Variants in EXOSC7 observed in about 807,000 individuals in gnomAD.
EXOSC7 encodes exosome complex component RRP42.
Under a neutral mutation model 34.3 loss-of-function variants are expected in EXOSC7, and 25 were observed. That is an observed-to-expected ratio of 0.73 (90% CI 0.53 to 1.02). The LOEUF is 1.02. EXOSC7 is among the 50% of genes least tolerant of loss of function. The pLI is 0.00. For synonymous variants in EXOSC7, 130 were observed against 143.0 expected, an observed-to-expected ratio of 0.91 and a Z score of 0.65; for missense variants, 370 against 368.5, an observed-to-expected ratio of 1.00 and a Z score of -0.03.
Position 45,001,558 on chromosome 3 carries a change from T to C in EXOSC7, c.441T>C (p.Asn147=). ...CTTAGCTTCTGGAATGTGGTGGAAA[T>C]TTGTTTGATGCCATTTCCATTGCTG... The part of the protein sequence containing the change: ...VDVLLLECGG[N]LFDAISIAVK... The change falls in exon 5 of 8, where the codon AAT becomes AAC. Residue 147 remains asparagine (N), a synonymous_variant. Coordinates refer to ENST00000265564, the MANE Select transcript of EXOSC7 (RefSeq NM_015004.4). 6.2e-7 allele frequency: 1 copy of C among 1,613,810 alleles called. No individual in the cohort carries two copies.
intron 3 of EXOSC7, among the ~76,000 whole-genome samples, chr3:44,994,269 G>T (rs1217994911): frequency 6.7e-6 from 1 of 148,302 alleles, no homozygotes; most frequent in Non-Finnish European, 1.5e-5. Flanking sequence ...AAAAGATAAG[G>T]TCTCCCTTCT....
chr3:45,008,679 C>A (rs182056582), intron 7 of EXOSC7, among the ~76,000 whole-genome samples: 37 of 152,368 alleles, frequency 2.4e-4, no homozygotes, highest in South Asian at 1.7e-3. Flanking sequence ...CAGTTCTCAG[C>A]TAATGGCAGC....
chr3:44,991,836 G>C (rs756712447), intron 3 of EXOSC7, among the ~76,000 whole-genome samples: 1 of 152,142 alleles, frequency 6.6e-6, no homozygotes, highest in African/African-American at 2.4e-5. Context: ...AAGAGCTCCA[G>C]TATCTAGGTA....
At position 45,007,402 on chromosome 3, in the gene EXOSC7, C is replaced by A. The variant is rs199805910; in HGVS notation, c.616-18C>A. Reference sequence around the variant, plus strand: ...GGCCTGCGTGACCCACCGTGTGCCACGCACCCTGCCTTTGCAGATTGGCTA... The same window carrying A: ...GGCCTGCGTGACCCACCGTGTGCCAAGCACCCTGCCTTTGCAGATTGGCTA... On this transcript the variant is annotated intron_variant, in intron 6 of 7. Coordinates refer to ENST00000265564, the MANE Select transcript of EXOSC7 (RefSeq NM_015004.4). The A allele has an allele frequency of 6.2e-7, 1 of 1,613,550 alleles. No homozygotes were observed. Among genetic ancestry groups the A allele is most frequent in the East Asian group, 2.2e-5 (1 of 44,870 alleles).
chr3:44,992,775 G>C (rs946707491), intron 3 of EXOSC7, among the ~76,000 whole-genome samples: 1 of 152,096 alleles, frequency 6.6e-6, no homozygotes, highest in Non-Finnish European at 1.5e-5. Context: ...GCCACTAGGC[G>C]GCGAGCCATC....
chr3:45,008,011 G>A (rs958520602), intron 7 of EXOSC7, among the ~76,000 whole-genome samples: 3 of 152,142 alleles, frequency 2.0e-5, no homozygotes, highest in Non-Finnish European at 4.4e-5. Context: ...TCCCAAATTC[G>A]TTACAGCTCT....
intron 1 of EXOSC7, among the ~76,000 whole-genome samples, chr3:44,976,657 C>T (rs533489415): frequency 6.6e-6 from 1 of 152,282 alleles, no homozygotes; most frequent in Non-Finnish European, 1.5e-5. Flanking sequence ...CAGATCTTGT[C>T]CGAGCCTCAG....
intron 1 of EXOSC7, among the ~76,000 whole-genome samples, chr3:44,985,462 C>G (rs561614693): frequency 6.6e-6 from 1 of 151,840 alleles, no homozygotes; most frequent in South Asian, 2.1e-4. Flanking sequence ...GAGTTTCTTC[C>G]TTCTGGTGGG....
At chr3:45,000,052 GT>G (rs556955311) in intron 4 of EXOSC7, among the ~76,000 whole-genome samples, 1 of 152,100 alleles carries the variant, frequency 6.6e-6, no homozygotes, top group Non-Finnish European at 1.5e-5. Flanking sequence ...TCCAGTATTG[GT>G]TTTTTTCCCC....
intron 6 of EXOSC7, among the ~76,000 whole-genome samples, chr3:45,006,781 C>T (rs1172616877): frequency 6.6e-6 from 1 of 151,916 alleles, no homozygotes; most frequent in Non-Finnish European, 1.5e-5. Context: ...AGGCTCACTG[C>T]AACCTCTGCT....
chr3:44,989,534 T>C lies in EXOSC7; in HGVS notation c.160-16T>C, dbSNP rs376367377. 21 of 1,604,536 alleles carry C rather than the reference T, an allele frequency of 1.3e-5. No homozygotes were observed. Among genetic ancestry groups the C allele is most frequent in the Non-Finnish European group, 1.7e-5 (20 of 1,171,614 alleles). On this transcript the variant is annotated splice_polypyrimidine_tract_variant and intron_variant, in intron 2 of 7. Coordinates refer to ENST00000265564, the MANE Select transcript of EXOSC7 (RefSeq NM_015004.4). ...TGCATACTCTGAGTGAGGACTCTTCTTGCATGTGTCTGCAGGGTCACACAG... is the reference window on the plus strand; with the variant it reads ...TGCATACTCTGAGTGAGGACTCTTCCTGCATGTGTCTGCAGGGTCACACAG...
intron 6 of EXOSC7, among the ~76,000 whole-genome samples, chr3:45,006,060 G>A (rs1186892185): frequency 7.0e-6 from 1 of 143,152 alleles, no homozygotes; most frequent in African/African-American, 2.6e-5. Flanking sequence ...CAGGATGTTG[G>A]GTCTTGGCTT....
At chr3:45,005,488 A>G in intron 6 of EXOSC7, 74 bp downstream of exon 6, 1 of 1,483,406 alleles carries the variant, frequency 6.7e-7, no homozygotes, top group African/African-American at 1.4e-5. Context: ...TGCTGAGGTT[A>G]CTTAATAAGT....
chr3:44,989,642 C>G lies in EXOSC7; in HGVS notation c.252C>G (p.Asp84Glu). The part of the protein sequence containing the change: ...PNEGYLEFFV[D>E]CSASATPEFE... ...AAGGCTACTTGGAGTTCTTTGTTGA[C>G]TGGTCAGTACTGTCTATGCAGATAT... Residue 84 changes from aspartate (D) to glutamate (E), a missense_variant and splice_region_variant, in exon 3 of 8, where the codon GAC becomes GAG. By Grantham distance (45) the Asp-to-Glu change is conservative. Transcript: ENST00000265564. 6.3e-7 allele frequency: 1 copy of G among 1,594,294 alleles called. No individual in the cohort carries two copies. Among genetic ancestry groups the G allele is most frequent in the Non-Finnish European group, 8.6e-7 (1 of 1,162,068 alleles).
At chr3:44,994,729 G>A (rs139221305) in intron 3 of EXOSC7, among the ~76,000 whole-genome samples, 103 of 152,004 alleles carry the variant, frequency 6.8e-4, no homozygotes, top group African/African-American at 1.9e-3. Context: ...ATTGCTTTCC[G>A]TTTTCCTAGC....
At chr3:45,006,708 G>A (rs968181687) in intron 6 of EXOSC7, among the ~76,000 whole-genome samples, 15 of 152,058 alleles carry the variant, frequency 9.9e-5, no homozygotes, top group Admixed American at 5.2e-4. Flanking sequence ...GAGCCACCGC[G>A]CCCGGCCTTG....
At chr3:45,006,707 C>T (rs913629381) in intron 6 of EXOSC7, among the ~76,000 whole-genome samples, 7 of 151,976 alleles carry the variant, frequency 4.6e-5, no homozygotes, top group South Asian at 4.2e-4. Context: ...TGAGCCACCG[C>T]GCCCGGCCTT....
chr3:44,984,419 T>G (rs1706351512), intron 1 of EXOSC7, among the ~76,000 whole-genome samples: 1 of 151,026 alleles, frequency 6.6e-6, no homozygotes. Flanking sequence ...GAGGCTGCAG[T>G]GATCACCACT....
At chr3:44,989,683 AT>A (rs1706519103) in intron 3 of EXOSC7, 39 bp downstream of exon 3, 1 of 1,466,704 alleles carries the variant, frequency 6.8e-7, no homozygotes, top group African/African-American at 1.4e-5. Context: ...AAGATAAATG[AT>A]TTTAAAGATG....
Sources: allele counts gnomAD v4.1 joint callset (sites outside exome capture counted in the v4.1 genomes callset), GRCh38; gene constraint gnomAD v4.1.1; transcripts MANE v1.5; gene names NCBI Gene and HGNC (gene_info 2026-07-23, HGNC 2026-07-21).